The following COL4A3 variants were observed in gnomAD, a reference collection of about 807,000 sequenced individuals.
The protein encoded by COL4A3 is collagen alpha-3(IV) chain.
In COL4A3, 135 loss-of-function variants were observed where a neutral mutation model predicts 217.4. That is an observed-to-expected ratio of 0.62 (90% confidence interval 0.54 to 0.72). The LOEUF (loss-of-function observed/expected upper bound fraction) is 0.72, where lower values mean the gene tolerates loss of function less well. Ranked by LOEUF, COL4A3 falls within the 30% of genes least tolerant of loss-of-function variation. COL4A3 has a pLI of 0.00. For synonymous variants in COL4A3, 690 were observed against 736.3 expected, an observed-to-expected ratio of 0.94 and a Z score of 1.02; for missense variants, 1,868 against 2,119.9, an observed-to-expected ratio of 0.88 and a Z score of 2.33.
chr2:227,274,174 T>A (rs1054778237), intron 26 of COL4A3, among the ~76,000 whole-genome samples: 2 of 151,630 alleles, frequency 1.3e-5, no homozygotes, highest in Non-Finnish European at 2.9e-5. Context: ...AAGGTGGAGG[T>A]TGCAGTGAGC....
chr2:227,307,693 G>A lies in COL4A3; in HGVS notation c.4253-17G>A, dbSNP rs2073565302. The A allele has an allele frequency of 5.6e-6, 9 of 1,609,958 alleles. No individual in the cohort carries two copies. The East Asian group carries it at 1.6e-4, about 28-fold the overall frequency. On this transcript the variant is annotated splice_polypyrimidine_tract_variant and intron_variant, in intron 47 of 51. Transcript: ENST00000396578. Reference sequence around the variant, plus strand: ...ATTTTTGTGTATGTTGCAACATTTAGAATGTGTTTTTTGAAGGACCAGCTG... The same window carrying A: ...ATTTTTGTGTATGTTGCAACATTTAAAATGTGTTTTTTGAAGGACCAGCTG...
chr2:227,247,633 T>C (rs766655750), intron 8 of COL4A3, 49 bp downstream of exon 8: 29 of 1,566,594 alleles, frequency 1.9e-5, no homozygotes, highest in Non-Finnish European at 2.5e-5. Flanking sequence ...ACTGTACATA[T>C]GAAAAGGACG....
chr2:227,237,911 G>T (rs1190492660), intron 1 of COL4A3, 57 bp from the exon 2 acceptor site: 1 of 1,294,566 alleles, frequency 7.7e-7, no homozygotes, highest in African/African-American at 1.5e-5. Context: ...TTACCCTGCC[G>T]GTTGGGATTT....
chr2:227,207,477 TG>T (rs34731520), intron 1 of COL4A3, among the ~76,000 whole-genome samples: 7,141 of 152,260 alleles, frequency 0.047, 302 homozygotes, highest in Middle Eastern at 0.071. Context: ...GAGTGTGGTT[TG>T]GTATAATTAA....
At chr2:227,186,156 C>T (rs76459577) in intron 1 of COL4A3, among the ~76,000 whole-genome samples, 86 of 152,268 alleles carry the variant, frequency 5.6e-4, no homozygotes, top group African/African-American at 1.6e-3. Context: ...GTTTGGAGAA[C>T]GGGAGATTAT....
intron 1 of COL4A3, among the ~76,000 whole-genome samples, chr2:227,198,610 A>G (rs1483936725): frequency 6.6e-6 from 1 of 152,166 alleles, no homozygotes; most frequent in East Asian, 1.9e-4. Flanking sequence ...ACTCCACACC[A>G]TGTACTACTA....
At chr2:227,225,114 C>G (rs964464322) in intron 1 of COL4A3, among the ~76,000 whole-genome samples, 1 of 152,186 alleles carries the variant, frequency 6.6e-6, no homozygotes, top group Non-Finnish European at 1.5e-5. Context: ...CTATGTTGCC[C>G]CGGCTGGTCT....
chr2:227,282,536 T>A lies in COL4A3; in HGVS notation c.2656+4T>A, dbSNP rs779293980. ...CCGGGAATTTTAGGGCCACCAGGTA[T>A]CCTTTTGTGTGTTTCTATTTTTCTT... On this transcript the variant is annotated splice_donor_region_variant and intron_variant, in intron 32 of 51. Transcript: ENST00000396578. This position sits in a 1 kb window ranked among gnomAD's most constrained non-coding sequence, Gnocchi z 4.4. 1.9e-5 allele frequency: 31 copies of A among 1,612,842 alleles called. No individual in the cohort carries two copies. Among genetic ancestry groups the A allele is most frequent in the Non-Finnish European group, 2.5e-5 (30 of 1,179,328 alleles).
At chr2:227,278,338 C>T (rs2071718032) in intron 28 of COL4A3, among the ~76,000 whole-genome samples, 1 of 150,528 alleles carries the variant, frequency 6.6e-6, no homozygotes, top group Admixed American at 6.6e-5. Flanking sequence ...TCCAGGATGG[C>T]ATATGAGTAA....
Position 227,253,637 on chromosome 2 carries a change from C to T in COL4A3, c.764C>T (p.Thr255Met), listed in dbSNP as rs573527081. 100 of 1,613,332 alleles carry T rather than the reference C, an allele frequency of 6.2e-5. 1 individual carries two copies. The South Asian group carries it at 7.6e-4, about 12-fold the overall frequency. The change falls in exon 13 of 52, where the codon ACG (threonine) becomes ATG (methionine). Residue 255 changes from threonine (T) to methionine (M), a missense_variant and splice_region_variant. This residue lies in a region of COL4A3 where 365 missense variants were observed against 333.8 expected (regional missense o/e 1.09). Transcript: ENST00000396578. This position sits in a 1 kb window ranked among gnomAD's most constrained non-coding sequence, Gnocchi z 4.4. ...ACCCTAACTGGCCCAGATAACAGAA[C>T]GGTAACTCTGCGATTTTATGATTAG... ...IVTLTGPDNR[T>M]DLKGEKGDKG...
At chr2:227,234,295 C>A (rs926723854) in intron 1 of COL4A3, among the ~76,000 whole-genome samples, 7 of 152,166 alleles carry the variant, frequency 4.6e-5, no homozygotes, top group Non-Finnish European at 8.8e-5. Flanking sequence ...TTTGTCAGCT[C>A]TTCTGAGGGT....
rs535183278 is a variant in COL4A3 at position 227,167,905 on chromosome 2, G to A, written c.87+3092G>A. On this transcript the variant is annotated intron_variant, in intron 1 of 51. Transcript: ENST00000396578. ...TTTCCCTGCACAGTTTTGTGTGTGT[G>A]TGTCTGTTCTCCGTAAAAAATAAGT... is the stretch of plus-strand genomic sequence containing the variant. Among the ~76,000 whole-genome samples, 11 of 152,292 alleles carry A rather than the reference G, an allele frequency of 7.2e-5. No individual in the cohort carries two copies. The South Asian group carries it at 2.1e-3, about 29-fold the overall frequency.
At chr2:227,237,909 C>A (rs1230822382) in intron 1 of COL4A3, 59 bp from the exon 2 acceptor site, 6 of 1,274,870 alleles carry the variant, frequency 4.7e-6, no homozygotes, top group Non-Finnish European at 5.7e-6. Flanking sequence ...TTTTACCCTG[C>A]CGGTTGGGAT....
Position 227,253,991 on chromosome 2 carries a change from C to A in COL4A3, c.766-121C>A. The A allele has an allele frequency of 1.1e-6, 1 of 920,656 alleles. No homozygotes were observed. Among genetic ancestry groups the A allele is most frequent in the Non-Finnish European group, 1.8e-6 (1 of 558,870 alleles). The allele number at this position is 920,656 out of a possible 1,614,324, so 57.0% of individuals were successfully genotyped here. A position where few individuals can be genotyped will look rare whatever the true frequency, so the allele number is the denominator to read the frequency against. The stretch of plus-strand genomic sequence containing the variant: ...GAAGGTGTATTGGGTTGTGTTAACA[C>A]GAGGCACATTCATAGTTTGTAAACC... On this transcript the variant is annotated intron_variant, in intron 13 of 51. Coordinates refer to ENST00000396578, the MANE Select transcript of COL4A3 (RefSeq NM_000091.5). This position sits in a 1 kb window ranked among gnomAD's most constrained non-coding sequence, Gnocchi z 4.4.
chr2:227,261,162 A>C, intron 20 of COL4A3, 45 bp downstream of exon 20: 1 of 1,479,386 alleles, frequency 6.8e-7, no homozygotes, highest in South Asian at 1.1e-5. Context: ...GCTATTACAA[A>C]GGAAAATAAG....
intron 16 of COL4A3, 53 bp downstream of exon 16, chr2:227,256,123 TGAA>T (rs1360970563): frequency 5.2e-6 from 8 of 1,530,656 alleles, no homozygotes; most frequent in Admixed American, 1.7e-5. Flanking sequence ...TCCTACTAGC[TGAA>T]GAAGGATTTT....
At chr2:227,200,137 A>G (rs1206045667) in intron 1 of COL4A3, among the ~76,000 whole-genome samples, 1 of 152,132 alleles carries the variant, frequency 6.6e-6, no homozygotes, top group African/African-American at 2.4e-5. Context: ...TCACCCCACC[A>G]TCTTATGATA....
Position 227,280,993 on chromosome 2 carries a change from G to C in COL4A3, c.2475G>C (p.Leu825Phe), listed in dbSNP as rs192027050. ...AAGGACTTCCAGGCTTAAATGGATT[G>C]AAAGGGCAACAAGGTAGGAGGAGGG... ...GAQGLPGLNGLKGQQGRRGKT... is the reference protein window; with the variant it reads ...GAQGLPGLNGFKGQQGRRGKT... The change falls in exon 31 of 52, where the codon TTG becomes TTC. Residue 825 changes from leucine to phenylalanine, a missense_variant. Leu to Phe is a conservative substitution (Grantham distance 22, BLOSUM62 0). Coordinates refer to ENST00000396578, the MANE Select transcript of COL4A3 (RefSeq NM_000091.5). 2,091 of 1,560,970 alleles carry C rather than the reference G, an allele frequency of 1.3e-3. 36 individuals carry two copies. The highest frequency in any genetic ancestry group is 1.5e-4 in the Non-Finnish European group (176 of 1,151,792).
chr2:227,284,276 G>A lies in COL4A3; in HGVS notation c.2812G>A (p.Asp938Asn). 1 of 1,614,134 alleles carries A rather than the reference G, an allele frequency of 6.2e-7. No homozygotes were observed. Among genetic ancestry groups the A allele is most frequent in the Non-Finnish European group, 8.5e-7 (1 of 1,180,004 alleles). ...GTPGAKGEQG[D>N]KGNPGPSEIS... is the part of the protein sequence containing the mutation. ...CCCAGGAGCCAAGGGGGAACAAGGAGATAAAGGAAATCCCGGGCCTTCAGA... is the reference window on the plus strand; with the variant it reads ...CCCAGGAGCCAAGGGGGAACAAGGAAATAAAGGAAATCCCGGGCCTTCAGA... The change falls in exon 34 of 52, where the codon GAT (aspartate) becomes AAT (asparagine). Residue 938 changes from aspartate to asparagine, a missense_variant. Physicochemically the swap from Asp to Asn is conservative, Grantham distance 23. Around this residue, in one of 2 missense-constraint regions of COL4A3, gnomAD observed 1,503 missense variants for 1,786.1 expected, o/e 0.84. Transcript: ENST00000396578.
Sources: allele counts gnomAD v4.1 joint callset (sites outside exome capture counted in the v4.1 genomes callset), GRCh38; gene constraint gnomAD v4.1.1; regional missense constraint gnomAD v4.1.1; non-coding constraint Gnocchi (gnomAD v3.1); transcripts MANE v1.5; gene names NCBI Gene and HGNC (gene_info 2026-07-23, HGNC 2026-07-21).